RALGAPA2: variants seen among roughly 807,000 people sequenced by gnomAD.
The protein encoded by RALGAPA2 is Ral GTPase activating protein catalytic subunit alpha 2, also known as ral GTPase-activating protein subunit alpha-2.
In RALGAPA2, 139 loss-of-function variants were observed where a neutral mutation model predicts 230.4. That is an observed-to-expected ratio of 0.60 (90% CI 0.53 to 0.69). RALGAPA2 has a LOEUF of 0.69. Ranked by LOEUF, RALGAPA2 falls within the 30% of genes least tolerant of loss-of-function variation. The probability of loss-of-function intolerance (pLI) is 0.00; values close to 1 mark genes in which losing one functional copy is unlikely to be tolerated. For synonymous variants in RALGAPA2, 847 were observed against 837.8 expected (o/e 1.01, Z -0.19); for missense variants, 2,163 against 2,276.0 (o/e 0.95, Z 1.01).
At chr20:20,554,744 T>C (rs868493204) in intron 23 of RALGAPA2, among the ~76,000 whole-genome samples, 29 of 152,156 alleles carry the variant, frequency 1.9e-4, no homozygotes, top group Admixed American at 7.2e-4. Flanking sequence ...CCTCAAGCAA[T>C]CCACCTGTAT....
intron 36 of RALGAPA2, among the ~76,000 whole-genome samples, chr20:20,491,263 AC>A (rs1399729412): frequency 6.6e-6 from 1 of 152,140 alleles, no homozygotes; most frequent in Non-Finnish European, 1.5e-5. Flanking sequence ...GCTCGTATGT[AC>A]CAGGGCTGAG....
chr20:20,576,375 T>C (rs1038546989), intron 20 of RALGAPA2, among the ~76,000 whole-genome samples: 1 of 152,184 alleles, frequency 6.6e-6, no homozygotes, highest in Non-Finnish European at 1.5e-5. Context: ...CTTTTGACTG[T>C]GAGTTTTCTT....
intron 1 of RALGAPA2, among the ~76,000 whole-genome samples, chr20:20,681,039 C>T (rs1238518862): frequency 2.0e-5 from 3 of 152,138 alleles, no homozygotes; most frequent in Admixed American, 1.3e-4. Context: ...TCAGGGAGGT[C>T]GGAGCTGACA....
At chr20:20,473,051 C>T in intron 36 of RALGAPA2, 95 bp from the exon 37 acceptor site, 2 of 1,335,714 alleles carry the variant, frequency 1.5e-6, no homozygotes, top group South Asian at 2.9e-5. Context: ...CTGCAATGAG[C>T]ACTTAAGCTG....
At chr20:20,396,350 C>T (rs1004439303) in intron 39 of RALGAPA2, among the ~76,000 whole-genome samples, 2 of 152,292 alleles carry the variant, frequency 1.3e-5, no homozygotes, top group African/African-American at 2.4e-5. Flanking sequence ...CAAGACCCTG[C>T]TCCTTCAGGC....
chr20:20,697,553 G>A (rs539572355), intron 1 of RALGAPA2, among the ~76,000 whole-genome samples: 8 of 152,174 alleles, frequency 5.3e-5, no homozygotes, highest in Non-Finnish European at 1.0e-4. Flanking sequence ...CTACTTTCTC[G>A]GAAAGACAGG....
At chr20:20,456,169 G>A (rs1415905080) in intron 37 of RALGAPA2, among the ~76,000 whole-genome samples, 1 of 152,224 alleles carries the variant, frequency 6.6e-6, no homozygotes, top group Non-Finnish European at 1.5e-5. Flanking sequence ...ATCCTGTGGT[G>A]TAATTACATA....
chr20:20,408,902 CT>C (rs1438093159), intron 38 of RALGAPA2, among the ~76,000 whole-genome samples: 2 of 152,180 alleles, frequency 1.3e-5, no homozygotes, highest in African/African-American at 4.8e-5. Flanking sequence ...GTTGAAATAT[CT>C]TTACATGTCA....
At chr20:20,568,999 C>T (rs1568589718) in intron 23 of RALGAPA2, among the ~76,000 whole-genome samples, 1 of 152,086 alleles carries the variant, frequency 6.6e-6, no homozygotes. Flanking sequence ...GAAAGAAGCC[C>T]TGAGATGGTA....
chr20:20,648,447 T>C (rs183279326), intron 4 of RALGAPA2, among the ~76,000 whole-genome samples: 26 of 152,274 alleles, frequency 1.7e-4, no homozygotes, highest in African/African-American at 5.8e-4. Context: ...TGATTTCATA[T>C]ATGTATACCT....
intron 4 of RALGAPA2, among the ~76,000 whole-genome samples, chr20:20,652,175 A>C (rs563864736): frequency 6.6e-6 from 1 of 152,324 alleles, no homozygotes; most frequent in Admixed American, 6.5e-5. Context: ...CAATTTTAAT[A>C]ATTGAATAAT....
chr20:20,507,567 G>C (rs1057338221), intron 33 of RALGAPA2, among the ~76,000 whole-genome samples: 1 of 152,174 alleles, frequency 6.6e-6, no homozygotes, highest in African/African-American at 2.4e-5. Flanking sequence ...ATGTTGGCCA[G>C]GCTGATCTCA....
At chr20:20,586,802 A>G (rs575689724) in intron 18 of RALGAPA2, among the ~76,000 whole-genome samples, 1 of 152,340 alleles carries the variant, frequency 6.6e-6, no homozygotes, top group East Asian at 1.9e-4. Context: ...CACCAAGCCA[A>G]TGAGAATAGA....
chr20:20,477,203 C>G (rs1327624182), intron 36 of RALGAPA2, among the ~76,000 whole-genome samples: 5 of 152,138 alleles, frequency 3.3e-5, no homozygotes, highest in Non-Finnish European at 7.3e-5. Flanking sequence ...GTGTCCTTTT[C>G]AATATTAAAT....
At chr20:20,583,903 G>C (rs532228233) in intron 19 of RALGAPA2, among the ~76,000 whole-genome samples, 1 of 152,098 alleles carries the variant, frequency 6.6e-6, no homozygotes, top group African/African-American at 2.4e-5. Flanking sequence ...CTACATCTCT[G>C]TCTGCTCACC....
chr20:20,695,409 T>C (rs1039924733), intron 1 of RALGAPA2, among the ~76,000 whole-genome samples: 1 of 152,188 alleles, frequency 6.6e-6, no homozygotes, highest in Non-Finnish European at 1.5e-5. Flanking sequence ...CATGAGCAAA[T>C]GTTTGACACT....
intron 23 of RALGAPA2, among the ~76,000 whole-genome samples, chr20:20,559,906 A>G (rs1358063982): frequency 2.0e-5 from 3 of 152,254 alleles, no homozygotes; most frequent in African/African-American, 4.8e-5. Context: ...AGCATTTTGT[A>G]AATTCCAAAG....
At chr20:20,628,712 A>C (rs571327043) in intron 10 of RALGAPA2, among the ~76,000 whole-genome samples, 18 of 152,124 alleles carry the variant, frequency 1.2e-4, no homozygotes, top group Non-Finnish European at 2.4e-4. Context: ...AGACATTGCT[A>C]ATGTCCCCTA....
chr20:20,487,839 G>A (rs955352949), intron 36 of RALGAPA2, among the ~76,000 whole-genome samples: 1 of 151,858 alleles, frequency 6.6e-6, no homozygotes, highest in Non-Finnish European at 1.5e-5. Context: ...TTGAGCCCTG[G>A]AGGCAGAGGT....
Sources: allele counts gnomAD v4.1 joint callset (sites outside exome capture counted in the v4.1 genomes callset), GRCh38; gene constraint gnomAD v4.1.1; transcripts MANE v1.5; gene names NCBI Gene and HGNC (gene_info 2026-07-23, HGNC 2026-07-21).